Variants in ZMIZ1 observed in about 807,000 individuals in gnomAD.
ZMIZ1 encodes zinc finger MIZ domain-containing protein 1.
Under a neutral mutation model 113.9 loss-of-function variants are expected in ZMIZ1, and 17 were observed. That is an observed-to-expected ratio of 0.15 (90% CI 0.10 to 0.22). ZMIZ1 has a LOEUF of 0.22. ZMIZ1 is among the 10% of genes least tolerant of loss of function. The pLI, the probability that ZMIZ1 is intolerant of heterozygous loss-of-function variation, is 1.00. For missense variants in ZMIZ1, 1,059 were observed against 1,477.8 expected (o/e 0.72, Z 4.65); for synonymous variants, 607 against 603.1 (o/e 1.01, Z -0.09).
At chr10:79,175,157 A>G (rs1846773133) in intron 4 of ZMIZ1, among the ~76,000 whole-genome samples, 1 of 152,158 alleles carries the variant, frequency 6.6e-6, no homozygotes. Flanking sequence ...GCACCCAGAT[A>G]GGGAGGGAGA....
At chr10:79,277,115 G>A (rs200462755) in intron 7 of ZMIZ1, 66 bp from the exon 8 acceptor site, 14 of 1,446,166 alleles carry the variant, frequency 9.7e-6, no homozygotes, top group African/African-American at 1.5e-5. Context: ...GGAGAGTTGG[G>A]GGGGGGTCTT....
At chr10:79,142,995 C>G (rs939056751) in intron 3 of ZMIZ1, among the ~76,000 whole-genome samples, 1 of 152,200 alleles carries the variant, frequency 6.6e-6, no homozygotes, top group African/African-American at 2.4e-5. Context: ...TAGGGGAGCT[C>G]TCTGCCTTTG....
At chr10:79,275,735 T>C (rs1320381384) in intron 7 of ZMIZ1, among the ~76,000 whole-genome samples, 4 of 152,232 alleles carry the variant, frequency 2.6e-5, no homozygotes, top group African/African-American at 9.6e-5. Context: ...CCTCAGGCTC[T>C]ACCACCAGGG....
At chr10:79,225,948 T>TA (rs1849183798) in intron 7 of ZMIZ1, among the ~76,000 whole-genome samples, 1 of 152,188 alleles carries the variant, frequency 6.6e-6, no homozygotes, top group Admixed American at 6.5e-5. Context: ...CCTCTTAAAA[T>TA]AAAAAATACT....
chr10:79,293,711 A>G (rs1214712969), intron 12 of ZMIZ1, 58 bp downstream of exon 12: 6 of 1,611,708 alleles, frequency 3.7e-6, no homozygotes, highest in Non-Finnish European at 5.1e-6. Context: ...GCTTGAAGAC[A>G]TGGGCCGTGG....
At chr10:79,309,755 C>T (rs1001161392) in intron 23 of ZMIZ1, among the ~76,000 whole-genome samples, 2 of 152,142 alleles carry the variant, frequency 1.3e-5, no homozygotes, top group African/African-American at 4.8e-5. Flanking sequence ...AAGAACATGT[C>T]AGTGTGTTCT....
chr10:79,069,761 T>G lies in ZMIZ1; in HGVS notation c.-337+491T>G, dbSNP rs1842190504. On this transcript the variant is annotated intron_variant, in intron 1 of 24. Transcript: ENST00000334512. The surrounding 1 kb of genome is among the most constrained non-coding windows in gnomAD (Gnocchi z 4.6). The stretch of plus-strand genomic sequence containing the variant: ...TGGATTTCAGGATGGCAAGGGGTGG[T>G]GGTGTTAACTTGTGCGTCTGAATTT... Among the ~76,000 whole-genome samples the G allele has an allele frequency of 6.6e-6, 1 of 151,884 alleles. No individual in the cohort carries two copies. Among genetic ancestry groups the G allele is most frequent in the Non-Finnish European group, 1.5e-5 (1 of 67,976 alleles).
Position 79,312,938 on chromosome 10 carries a change from G to A in ZMIZ1, c.*189G>A, listed in dbSNP as rs974191767. 1.0e-5 allele frequency: 6 copies of A among 592,484 alleles called. No homozygotes were observed. Among genetic ancestry groups the A allele is most frequent in the African/African-American group, 8.6e-5 (4 of 46,740 alleles). 36.7% of individuals were successfully genotyped at this position (592,484 alleles called of 1,614,324 possible). ...TAGGGAGGGTGCACCAGTGCACCAG[G>A]AAGGCTGTGTGGGTCTGGAGCCCAC... is the stretch of plus-strand genomic sequence containing the variant. On this transcript the variant is annotated 3_prime_UTR_variant, in exon 25 of 25. Transcript: ENST00000334512.
intron 7 of ZMIZ1, among the ~76,000 whole-genome samples, chr10:79,248,157 C>G (rs1055257710): frequency 6.6e-5 from 10 of 151,844 alleles, no homozygotes; most frequent in African/African-American, 2.4e-4. Context: ...TGAACAGAGG[C>G]CTATGCTCTA....
rs370958883 is a variant in ZMIZ1, at chr10:79,081,068, C to T, written c.-337+11798C>T. ...TCCCATGTGGGCTTGCATGCCTCCA[C>T]GGACAGGCTGCTCCCTGCCTCCCCA... On this transcript the variant is annotated intron_variant, in intron 1 of 24. Transcript: ENST00000334512. Among the ~76,000 whole-genome samples the T allele has an allele frequency of 1.9e-4, 29 of 152,278 alleles. 1 individual carries two copies. The highest frequency in any genetic ancestry group is 8.3e-4 in the South Asian group (4 of 4,824).
At chr10:79,245,037 C>T (rs769977923) in intron 7 of ZMIZ1, among the ~76,000 whole-genome samples, 4 of 152,198 alleles carry the variant, frequency 2.6e-5, no homozygotes, top group Non-Finnish European at 5.9e-5. Flanking sequence ...GGATTCAAGT[C>T]CCCTTCTGAG....
intron 7 of ZMIZ1, among the ~76,000 whole-genome samples, chr10:79,248,114 T>C (rs1850317812): frequency 6.6e-6 from 1 of 151,946 alleles, no homozygotes; most frequent in Non-Finnish European, 1.5e-5. Flanking sequence ...CAGTGGGAAA[T>C]ATTAGGGTGC....
intron 4 of ZMIZ1, among the ~76,000 whole-genome samples, chr10:79,200,794 T>G (rs1848043645): frequency 6.8e-6 from 1 of 146,742 alleles, no homozygotes. Context: ...CCTGAGGGAC[T>G]GGGGGAGGGC....
chr10:79,267,696 G>C (rs1851690749), intron 7 of ZMIZ1, among the ~76,000 whole-genome samples: 1 of 152,196 alleles, frequency 6.6e-6, no homozygotes, highest in Admixed American at 6.5e-5. Flanking sequence ...GGAGGCAGGA[G>C]ACAGCATATT....
At chr10:79,134,391 T>C (rs1268716422) in intron 2 of ZMIZ1, among the ~76,000 whole-genome samples, 1 of 152,240 alleles carries the variant, frequency 6.6e-6, no homozygotes, top group Non-Finnish European at 1.5e-5. Context: ...CCCACTGTTG[T>C]ATGCTGTTGT....
chr10:79,078,302 T>C (rs933730777), intron 1 of ZMIZ1, among the ~76,000 whole-genome samples: 1 of 152,154 alleles, frequency 6.6e-6, no homozygotes, highest in Non-Finnish European at 1.5e-5. Flanking sequence ...GTGGAATCAC[T>C]ATGAATGGTA....
chr10:79,248,072 T>C (rs1850315765), intron 7 of ZMIZ1, among the ~76,000 whole-genome samples: 1 of 152,128 alleles, frequency 6.6e-6, no homozygotes, highest in Non-Finnish European at 1.5e-5. Context: ...TTGGGCCATG[T>C]CTTTGGGTGC....
chr10:79,231,844 C>G (rs1371325055), intron 7 of ZMIZ1, among the ~76,000 whole-genome samples: 1 of 152,228 alleles, frequency 6.6e-6, no homozygotes, highest in Non-Finnish European at 1.5e-5. Flanking sequence ...TCCCAAAGTG[C>G]TGGGATTACA....
At chr10:79,228,695 C>T (rs1849282855) in intron 7 of ZMIZ1, among the ~76,000 whole-genome samples, 1 of 152,248 alleles carries the variant, frequency 6.6e-6, no homozygotes, top group African/African-American at 2.4e-5. Context: ...CCTAGCCCCT[C>T]CTTGCCTCCA....
Sources: allele counts gnomAD v4.1 joint callset (sites outside exome capture counted in the v4.1 genomes callset), GRCh38; gene constraint gnomAD v4.1.1; non-coding constraint Gnocchi (gnomAD v3.1); transcripts MANE v1.5; gene names NCBI Gene and HGNC (gene_info 2026-07-23, HGNC 2026-07-21).